The following FAT3 variants were observed in gnomAD, a reference collection of about 807,000 sequenced individuals.
FAT3 encodes the protein FAT atypical cadherin 3.
A neutral mutation model predicts 310.2 loss-of-function variants in FAT3; 95 were observed. The observed-to-expected ratio is 0.31, with a 90% CI of 0.26 to 0.36. FAT3 has a LOEUF of 0.36. FAT3 is among the 10% of genes least tolerant of loss of function. The pLI, the probability that FAT3 is intolerant of heterozygous loss-of-function variation, is 1.00. For missense variants in FAT3, 5,408 were observed against 5,715.6 expected, an observed-to-expected ratio of 0.95 and a Z score of 1.74; for synonymous variants, 2,314 against 2,192.9, an observed-to-expected ratio of 1.06 and a Z score of -1.54.
intron 3 of FAT3, among the ~76,000 whole-genome samples, chr11:92,605,876 G>A (rs1376731857): frequency 6.6e-6 from 1 of 152,020 alleles, no homozygotes; most frequent in Non-Finnish European, 1.5e-5. Flanking sequence ...CTCCTGGCGA[G>A]GGCCCCTTTG....
chr11:92,733,003 G>A (rs191318602), intron 4 of FAT3, among the ~76,000 whole-genome samples: 7 of 152,180 alleles, frequency 4.6e-5, no homozygotes, highest in East Asian at 1.9e-4. Flanking sequence ...AAACTTCACC[G>A]CACAGGATGT....
In FAT3 at chr11:92,871,614, G is replaced by C. The variant is rs369149504; in HGVS notation, c.12127+4405G>C. On this transcript the variant is annotated intron_variant, in intron 22 of 27. Coordinates refer to ENST00000525166, the MANE Select transcript of FAT3 (RefSeq NM_001367949.2). ...CTTGTTATAGAAGACCCATTTGATT[G>C]CTATTTACTTGCCTCCAGTATTTGC... Among the ~76,000 whole-genome samples the C allele has an allele frequency of 5.9e-5, 9 of 152,196 alleles. No individual in the cohort carries two copies. In the East Asian group the frequency reaches 1.5e-3, roughly 26 times the overall value.
At chr11:92,884,884 G>A (rs533436583) in intron 24 of FAT3, among the ~76,000 whole-genome samples, 42 of 152,136 alleles carry the variant, frequency 2.8e-4, no homozygotes, top group Admixed American at 5.9e-4. Flanking sequence ...CAGAGAGGAT[G>A]GTCAAACCAG....
intron 3 of FAT3, among the ~76,000 whole-genome samples, chr11:92,626,811 T>A (rs1311959106): frequency 6.6e-6 from 1 of 152,202 alleles, no homozygotes; most frequent in Non-Finnish European, 1.5e-5. Context: ...CTCCATTGGA[T>A]CTGCCAGCTA....
At chr11:92,858,486 C>G (rs190769232) in intron 20 of FAT3, among the ~76,000 whole-genome samples, 14 of 152,148 alleles carry the variant, frequency 9.2e-5, no homozygotes, top group Non-Finnish European at 1.6e-4. Context: ...TCCACCTTTC[C>G]CCCCAGCAAG....
intron 3 of FAT3, among the ~76,000 whole-genome samples, chr11:92,542,045 C>T (rs910859784): frequency 2.0e-5 from 3 of 151,804 alleles, no homozygotes; most frequent in Non-Finnish European, 4.4e-5. Flanking sequence ...ACATTATAAC[C>T]AACTAAAATT....
At chr11:92,649,081 C>T (rs1191250481) in intron 3 of FAT3, among the ~76,000 whole-genome samples, 1 of 152,158 alleles carries the variant, frequency 6.6e-6, no homozygotes, top group East Asian at 1.9e-4. Flanking sequence ...ATTTGTCTCT[C>T]ATATTCAGTG....
At chr11:92,610,968 A>C (rs1940535452) in intron 3 of FAT3, among the ~76,000 whole-genome samples, 1 of 152,126 alleles carries the variant, frequency 6.6e-6, no homozygotes, top group African/African-American at 2.4e-5. Flanking sequence ...ATTAAGGATG[A>C]ATTAAACCCA....
At chr11:92,332,342 A>G (rs1947943610) in intron 1 of FAT3, among the ~76,000 whole-genome samples, 1 of 152,248 alleles carries the variant, frequency 6.6e-6, no homozygotes, top group South Asian at 2.1e-4. Context: ...AGATGAGAGC[A>G]TAATAACATG....
chr11:92,609,503 GT>G (rs1189437065), intron 3 of FAT3, among the ~76,000 whole-genome samples: 17 of 152,282 alleles, frequency 1.1e-4, no homozygotes, highest in Middle Eastern at 3.4e-3. Flanking sequence ...TTTGGATTCA[GT>G]TTTTGAATTT....
At chr11:92,514,968 G>A (rs973186729) in intron 2 of FAT3, among the ~76,000 whole-genome samples, 1 of 152,148 alleles carries the variant, frequency 6.6e-6, no homozygotes, top group Admixed American at 6.6e-5. Flanking sequence ...TTGGAACAGA[G>A]TCTGGGTTCT....
intron 3 of FAT3, among the ~76,000 whole-genome samples, chr11:92,626,403 T>A (rs184727325): frequency 2.0e-5 from 3 of 152,264 alleles, no homozygotes; most frequent in Admixed American, 2.0e-4. Context: ...TACCAATTTT[T>A]TAGCTAAGCA....
intron 3 of FAT3, among the ~76,000 whole-genome samples, chr11:92,581,442 T>C (rs1220278068): frequency 6.6e-6 from 1 of 151,474 alleles, no homozygotes; most frequent in African/African-American, 2.4e-5. Flanking sequence ...ATCCACCTCC[T>C]TACTCTCATT....
At chr11:92,678,305 G>T (rs942615095) in intron 3 of FAT3, among the ~76,000 whole-genome samples, 7 of 152,128 alleles carry the variant, frequency 4.6e-5, no homozygotes, top group Admixed American at 1.3e-4. Flanking sequence ...TTTTCATCTG[G>T]GAGGCAGTGC....
At chr11:92,884,713 C>T (rs550885772) in intron 24 of FAT3, among the ~76,000 whole-genome samples, 28 of 152,150 alleles carry the variant, frequency 1.8e-4, no homozygotes, top group Non-Finnish European at 3.7e-4. Flanking sequence ...CTCCCAGGAA[C>T]AGGAAGCAGC....
At chr11:92,446,211 A>T (rs895342663) in intron 2 of FAT3, among the ~76,000 whole-genome samples, 10 of 152,206 alleles carry the variant, frequency 6.6e-5, no homozygotes, top group Non-Finnish European at 1.5e-4. Flanking sequence ...GTTGTGAATG[A>T]TACTATGTGC....
intron 1 of FAT3, among the ~76,000 whole-genome samples, chr11:92,235,419 G>A (rs1233453211): frequency 2.0e-5 from 3 of 152,140 alleles, no homozygotes; most frequent in Non-Finnish European, 2.9e-5. Context: ...TTGCAGCACT[G>A]TTCACATGCC....
intron 4 of FAT3, among the ~76,000 whole-genome samples, chr11:92,719,388 A>C (rs984018766): frequency 1.3e-5 from 2 of 152,166 alleles, no homozygotes; most frequent in Non-Finnish European, 2.9e-5. Flanking sequence ...GTCGTCTCTC[A>C]ATATCCGTGG....
At chr11:92,530,100 T>G (rs1349168558) in intron 3 of FAT3, among the ~76,000 whole-genome samples, 1 of 152,208 alleles carries the variant, frequency 6.6e-6, no homozygotes, top group Admixed American at 6.5e-5. Context: ...ATTGGATGTC[T>G]TTAGTTTTTT....
Sources: gnomAD v4.1 joint callset for allele counts (sites outside exome capture counted in the v4.1 genomes callset) on GRCh38, gnomAD v4.1.1 for gene constraint, MANE v1.5 for transcripts, NCBI Gene and HGNC (gene_info 2026-07-23, HGNC 2026-07-21) for gene names.